Variants in ROBO1 observed in about 807,000 individuals in gnomAD.
The protein encoded by ROBO1 is roundabout homolog 1.
ROBO1 carries 149 observed loss-of-function variants against 195.9 expected under a neutral mutation model. The observed-to-expected ratio is 0.76, with a 90% CI of 0.67 to 0.87. The LOEUF (loss-of-function observed/expected upper bound fraction) is 0.87. Among genes scored for constraint, ROBO1 ranks in the 40% least tolerant of loss-of-function variants. The pLI, the probability that ROBO1 is intolerant of heterozygous loss-of-function variation, is 0.00. For synonymous variants in ROBO1, 816 were observed against 733.2 expected, an observed-to-expected ratio of 1.11 and a Z score of -1.82; for missense variants, 1,933 against 2,068.3, an observed-to-expected ratio of 0.93 and a Z score of 1.27.
rs184034533 is a variant in ROBO1, at chr3:79,568,035, A to T, written c.88+21789T>A. ...AATGAAAATACCATATCCTTTGGCA[A>T]GTTGGTGCCGTGAATGTAAGGTTCC... is the stretch of plus-strand genomic sequence containing the variant. On this transcript the variant is annotated intron_variant, in intron 2 of 30. Transcript: ENST00000464233. Among the ~76,000 whole-genome samples, 3 of 152,204 alleles carry T rather than the reference A, an allele frequency of 2.0e-5. No homozygotes were observed. In the East Asian group the frequency reaches 5.8e-4, roughly 29 times the overall value.
At chr3:79,050,422 G>A (rs1159467488) in intron 3 of ROBO1, among the ~76,000 whole-genome samples, 1 of 152,066 alleles carries the variant, frequency 6.6e-6, no homozygotes, top group Admixed American at 6.6e-5. Context: ...CCTACAAAGA[G>A]ACTTAGACTC....
At chr3:79,455,439 A>G (rs1310745262) in intron 2 of ROBO1, among the ~76,000 whole-genome samples, 1 of 152,140 alleles carries the variant, frequency 6.6e-6, no homozygotes, top group Non-Finnish European at 1.5e-5. Flanking sequence ...TGTAATTTTA[A>G]GAAGAGATGC....
intron 10 of ROBO1, among the ~76,000 whole-genome samples, chr3:78,675,068 G>C (rs1575901359): frequency 6.6e-6 from 1 of 152,094 alleles, no homozygotes; most frequent in Admixed American, 6.5e-5. Context: ...AGAGGTAAGA[G>C]TTTGAGCTTT....
At chr3:79,017,027 A>G (rs1225087964) in intron 3 of ROBO1, among the ~76,000 whole-genome samples, 3 of 152,114 alleles carry the variant, frequency 2.0e-5, no homozygotes, top group South Asian at 2.1e-4. Context: ...GGGAATGACA[A>G]CCTCGAGGAG....
intron 2 of ROBO1, among the ~76,000 whole-genome samples, chr3:79,468,969 A>T (rs1938118733): frequency 6.6e-6 from 1 of 152,158 alleles, no homozygotes. Flanking sequence ...ACTAAATGAG[A>T]TTATGCATGC....
intron 18 of ROBO1, among the ~76,000 whole-genome samples, chr3:78,653,437 C>T (rs539633741): frequency 1.3e-5 from 2 of 152,124 alleles, no homozygotes. Flanking sequence ...GCTCTAAGAA[C>T]CCACCAGTAG....
chr3:79,477,547 TAAACAAA>T (rs1038142775), intron 2 of ROBO1, among the ~76,000 whole-genome samples: 31 of 151,960 alleles, frequency 2.0e-4, no homozygotes, highest in African/African-American at 6.0e-4. Flanking sequence ...CTGAAGAAAC[TAAACAAA>T]AAACAAAAAA....
At chr3:78,993,935 G>A (rs1440817764) in intron 3 of ROBO1, among the ~76,000 whole-genome samples, 4 of 151,700 alleles carry the variant, frequency 2.6e-5, no homozygotes, top group Non-Finnish European at 4.4e-5. Context: ...TGTAAAAAGG[G>A]TGTTAAATAT....
chr3:79,063,510 CAAAAAAAA>C (rs11441603), intron 3 of ROBO1, among the ~76,000 whole-genome samples: 14 of 136,496 alleles, frequency 1.0e-4, no homozygotes, highest in African/African-American at 1.6e-4. Flanking sequence ...TTTCTCATTC[CAAAAAAAA>C]AAAAAAAAAT....
chr3:79,404,792 T>C (rs910132205), intron 2 of ROBO1, among the ~76,000 whole-genome samples: 1 of 152,128 alleles, frequency 6.6e-6, no homozygotes, highest in African/African-American at 2.4e-5. Context: ...AAAAACTAGA[T>C]TATAATTAAA....
intron 17 of ROBO1, among the ~76,000 whole-genome samples, chr3:78,658,856 T>C (rs543839702): frequency 6.6e-6 from 1 of 152,298 alleles, no homozygotes; most frequent in South Asian, 2.1e-4. Context: ...ATTTACATTA[T>C]ACAGCTGAAC....
intron 2 of ROBO1, among the ~76,000 whole-genome samples, chr3:79,274,165 C>T (rs1027962879): frequency 6.6e-6 from 1 of 151,800 alleles, no homozygotes; most frequent in African/African-American, 2.4e-5. Flanking sequence ...ATCAAAAGGC[C>T]CTAATAGATA....
At chr3:78,832,337 G>A (rs553482548) in intron 4 of ROBO1, among the ~76,000 whole-genome samples, 1 of 152,126 alleles carries the variant, frequency 6.6e-6, no homozygotes, top group East Asian at 1.9e-4. Flanking sequence ...TGCTCTTTGT[G>A]TAAACATAGA....
chr3:79,048,492 C>T (rs942659011), intron 3 of ROBO1, among the ~76,000 whole-genome samples: 1 of 152,116 alleles, frequency 6.6e-6, no homozygotes, highest in Non-Finnish European at 1.5e-5. Context: ...ATGTGCTTCT[C>T]ATGGAACCCC....
chr3:79,201,765 G>GT (rs1364864135), intron 2 of ROBO1, among the ~76,000 whole-genome samples: 1 of 151,740 alleles, frequency 6.6e-6, no homozygotes. Flanking sequence ...ATTGGAGATA[G>GT]TTTTTTAAGT....
At chr3:79,391,582 A>G (rs2036952461) in intron 2 of ROBO1, among the ~76,000 whole-genome samples, 1 of 152,128 alleles carries the variant, frequency 6.6e-6, no homozygotes, top group Non-Finnish European at 1.5e-5. Context: ...TCAATAGCTC[A>G]GCCTAGAAAA....
chr3:79,317,770 G>C (rs951528496), intron 2 of ROBO1, among the ~76,000 whole-genome samples: 3 of 151,926 alleles, frequency 2.0e-5, no homozygotes, highest in Admixed American at 1.3e-4. Flanking sequence ...AAGCACTCGT[G>C]TTCTTGAACA....
At chr3:79,692,519 A>T (rs1018942470) in intron 1 of ROBO1, among the ~76,000 whole-genome samples, 47 of 151,940 alleles carry the variant, frequency 3.1e-4, no homozygotes, top group African/African-American at 1.0e-3. Flanking sequence ...GATCCATTCA[A>T]AGACCCCATT....
intron 2 of ROBO1, among the ~76,000 whole-genome samples, chr3:79,542,863 CA>C (rs1182954541): frequency 2.0e-5 from 3 of 151,856 alleles, no homozygotes; most frequent in Admixed American, 6.6e-5. Context: ...TAATATCTGC[CA>C]CATTATTAGC....
Sources: allele counts gnomAD v4.1 joint callset (sites outside exome capture counted in the v4.1 genomes callset), GRCh38; gene constraint gnomAD v4.1.1; transcripts MANE v1.5; gene names NCBI Gene and HGNC (gene_info 2026-07-23, HGNC 2026-07-21).